Variants in GRIK3 observed in about 807,000 individuals in gnomAD.
GRIK3 encodes the protein glutamate receptor ionotropic, kainate 3.
A neutral mutation model predicts 102.5 loss-of-function variants in GRIK3; 29 were observed. That is an observed-to-expected ratio of 0.28 (90% confidence interval 0.21 to 0.39). The LOEUF (loss-of-function observed/expected upper bound fraction) is 0.39. Among genes scored for constraint, GRIK3 ranks in the 10% least tolerant of loss-of-function variants. The pLI is 1.00. For synonymous variants in GRIK3, 511 were observed against 504.9 expected (o/e 1.01, Z -0.16); for missense variants, 908 against 1,252.4 (o/e 0.73, Z 4.15).
chr1:36,949,546 T>A (rs1421792008), intron 1 of GRIK3, among the ~76,000 whole-genome samples: 2 of 151,674 alleles, frequency 1.3e-5, no homozygotes, highest in Non-Finnish European at 2.9e-5. Context: ...TTCTTTTCTT[T>A]CTTTTTTTTC....
chr1:36,859,073 G>T (rs764611542), intron 7 of GRIK3, 35 bp downstream of exon 7: 45 of 1,553,440 alleles, frequency 2.9e-5, no homozygotes, highest in Non-Finnish European at 3.9e-5. Context: ...ACAGTCCCGG[G>T]GAGACAACAC....
At chr1:36,947,197 T>C (rs72919519) in intron 1 of GRIK3, among the ~76,000 whole-genome samples, 2,667 of 152,166 alleles carry the variant, frequency 0.018, 30 homozygotes, top group South Asian at 0.05. Context: ...GCATTTCCGA[T>C]CATGGTACCC....
intron 1 of GRIK3, among the ~76,000 whole-genome samples, chr1:36,941,156 C>T (rs1327416275): frequency 6.6e-6 from 1 of 152,078 alleles, no homozygotes; most frequent in Admixed American, 6.5e-5. Context: ...AGAATGATTT[C>T]AGATCAGGAT....
At chr1:36,928,694 A>G (rs532461099) in intron 1 of GRIK3, among the ~76,000 whole-genome samples, 1 of 152,330 alleles carries the variant, frequency 6.6e-6, no homozygotes, top group South Asian at 2.1e-4. Context: ...AATCCAGCCT[A>G]GACTTCAGCG....
chr1:36,955,719 G>A (rs991211216), intron 1 of GRIK3, among the ~76,000 whole-genome samples: 2 of 152,242 alleles, frequency 1.3e-5, no homozygotes, highest in African/African-American at 4.8e-5. Context: ...CACATGCTGT[G>A]TAGACAAAGA....
intron 1 of GRIK3, among the ~76,000 whole-genome samples, chr1:36,933,525 T>C (rs906373530): frequency 1.3e-5 from 2 of 152,230 alleles, no homozygotes. Flanking sequence ...TCACATCTGC[T>C]TTTCCTATTA....
chr1:36,853,493 C>T (rs1640608232), intron 8 of GRIK3, 122 bp downstream of exon 8: 2 of 663,398 alleles, frequency 3.0e-6, no homozygotes, highest in Admixed American at 2.5e-5. Context: ...CCAAGTCAAT[C>T]CCTGAGGGGC....
chr1:36,876,260 G>A (rs1396754079), intron 3 of GRIK3, among the ~76,000 whole-genome samples: 1 of 152,174 alleles, frequency 6.6e-6, no homozygotes, highest in Non-Finnish European at 1.5e-5. Context: ...GGGAGGCTGA[G>A]GTGGGAGGAC....
intron 11 of GRIK3, among the ~76,000 whole-genome samples, chr1:36,820,059 C>T (rs1214394606): frequency 2.6e-5 from 4 of 152,178 alleles, no homozygotes; most frequent in Admixed American, 1.3e-4. Context: ...ACCAGCATCT[C>T]GTAAAATTAA....
intron 10 of GRIK3, among the ~76,000 whole-genome samples, chr1:36,837,376 G>C (rs953317993): frequency 1.3e-5 from 2 of 152,142 alleles, no homozygotes; most frequent in African/African-American, 2.4e-5. Flanking sequence ...TAACTGTCCA[G>C]AGTAGAATTC....
intron 1 of GRIK3, among the ~76,000 whole-genome samples, chr1:36,926,396 T>C (rs554431749): frequency 7.4e-6 from 1 of 134,790 alleles, no homozygotes. Flanking sequence ...TACGCCCCAC[T>C]TTTTTTTTTT....
At chr1:37,017,557 C>A (rs188199610) in intron 1 of GRIK3, among the ~76,000 whole-genome samples, 43 of 152,070 alleles carry the variant, frequency 2.8e-4, no homozygotes, top group Admixed American at 7.9e-4. Flanking sequence ...CTCGGAAAAC[C>A]TGGATTTTTA....
chr1:36,828,075 A>G (rs76133692), intron 10 of GRIK3, among the ~76,000 whole-genome samples: 1 of 142,010 alleles, frequency 7.0e-6, no homozygotes, highest in African/African-American at 2.7e-5. Flanking sequence ...AGAAAGCAGA[A>G]AAAAAAAAAA....
At chr1:36,827,298 T>G (rs551265651) in intron 10 of GRIK3, among the ~76,000 whole-genome samples, 120 of 152,302 alleles carry the variant, frequency 7.9e-4, no homozygotes, top group Non-Finnish European at 1.4e-3. Context: ...CCTTCCCCTC[T>G]GAGAGGCTGC....
At chr1:36,916,401 A>G (rs1641401141) in intron 1 of GRIK3, among the ~76,000 whole-genome samples, 1 of 152,240 alleles carries the variant, frequency 6.6e-6, no homozygotes, top group Non-Finnish European at 1.5e-5. Flanking sequence ...AACTGCAGAA[A>G]CTTGCATAAG....
At chr1:36,951,108 A>T (rs1641839033) in intron 1 of GRIK3, among the ~76,000 whole-genome samples, 1 of 152,240 alleles carries the variant, frequency 6.6e-6, no homozygotes, top group Admixed American at 6.5e-5. Context: ...CTGGCTTTGT[A>T]GAGGAGCTGG....
chr1:36,895,879 G>A (rs531693534), intron 1 of GRIK3, among the ~76,000 whole-genome samples: 8 of 152,168 alleles, frequency 5.3e-5, no homozygotes, highest in South Asian at 2.1e-4. Context: ...CAACAAGCCC[G>A]AAGAAAAATG....
intron 8 of GRIK3, among the ~76,000 whole-genome samples, chr1:36,853,192 G>T (rs1396204923): frequency 6.6e-6 from 1 of 152,234 alleles, no homozygotes; most frequent in Admixed American, 6.5e-5. Flanking sequence ...ACTACTCACA[G>T]GGGAGATACT....
intron 1 of GRIK3, among the ~76,000 whole-genome samples, chr1:36,976,248 C>T (rs1161748581): frequency 6.6e-6 from 1 of 152,192 alleles, no homozygotes; most frequent in Non-Finnish European, 1.5e-5. Flanking sequence ...AGGGGAGGCT[C>T]TCGACTCCTT....
Sources: gnomAD v4.1 joint callset for allele counts (sites outside exome capture counted in the v4.1 genomes callset) on GRCh38, gnomAD v4.1.1 for gene constraint, MANE v1.5 for transcripts, NCBI Gene and HGNC (gene_info 2026-07-23, HGNC 2026-07-21) for gene names.